The following MECOM variants were observed in gnomAD, a reference collection of about 807,000 sequenced individuals.
MECOM encodes the protein histone-lysine N-methyltransferase MECOM.
Under a neutral mutation model 116.3 loss-of-function variants are expected in MECOM, and 13 were observed. The ratio of observed to expected loss-of-function variants is 0.11; its 90% CI spans 0.07 to 0.18. The LOEUF is 0.18. MECOM is among the 10% of genes least tolerant of loss of function. The pLI, the probability that MECOM is intolerant of heterozygous loss-of-function variation, is 1.00. For missense variants in MECOM, 1,299 were observed against 1,509.0 expected (o/e 0.86, Z 2.31); for synonymous variants, 528 against 535.2 (o/e 0.99, Z 0.19).
intron 2 of MECOM, among the ~76,000 whole-genome samples, chr3:169,224,062 TG>T (rs1752436282): frequency 6.6e-6 from 1 of 152,210 alleles, no homozygotes. Context: ...GTTTTTTCTA[TG>T]CCCCACTGAC....
chr3:169,485,854 T>C (rs1247719574), intron 1 of MECOM, among the ~76,000 whole-genome samples: 1 of 127,558 alleles, frequency 7.8e-6, no homozygotes, highest in Middle Eastern at 3.6e-3. Flanking sequence ...TGTGTGTATA[T>C]ACCATATGTA....
intron 1 of MECOM, among the ~76,000 whole-genome samples, chr3:169,422,151 A>G (rs1330349058): frequency 1.3e-5 from 2 of 152,134 alleles, no homozygotes; most frequent in Non-Finnish European, 2.9e-5. Context: ...AATACTCTCA[A>G]TTATATGTTT....
At chr3:169,655,990 G>A (rs1019390080) in intron 1 of MECOM, among the ~76,000 whole-genome samples, 4 of 152,210 alleles carry the variant, frequency 2.6e-5, no homozygotes, top group Non-Finnish European at 4.4e-5. Context: ...ATAACTTGAA[G>A]AGGACCTGAC....
At chr3:169,284,569 G>GCA (rs1491289630) in intron 2 of MECOM, among the ~76,000 whole-genome samples, 1 of 150,262 alleles carries the variant, frequency 6.7e-6, no homozygotes, top group African/African-American at 2.5e-5. Context: ...AAGTATATGA[G>GCA]CGCACACACA....
At chr3:169,240,079 T>C (rs1428826255) in intron 2 of MECOM, among the ~76,000 whole-genome samples, 1 of 152,196 alleles carries the variant, frequency 6.6e-6, no homozygotes, top group Non-Finnish European at 1.5e-5. Flanking sequence ...CTTCAGCAAG[T>C]GTAGTTTAGG....
chr3:169,382,158 C>G (rs1396785998), intron 1 of MECOM, among the ~76,000 whole-genome samples: 1 of 152,118 alleles, frequency 6.6e-6, no homozygotes, highest in African/African-American at 2.4e-5. Flanking sequence ...GCCAGTGATG[C>G]CTCTGGGTAT....
chr3:169,252,176 G>T (rs1053304772), intron 2 of MECOM, among the ~76,000 whole-genome samples: 2 of 152,074 alleles, frequency 1.3e-5, no homozygotes, highest in Non-Finnish European at 2.9e-5. Flanking sequence ...AAAATGTTTT[G>T]TAAAATATCA....
chr3:169,088,772 GT>G (rs1207062381), intron 16 of MECOM, among the ~76,000 whole-genome samples: 2 of 152,100 alleles, frequency 1.3e-5, no homozygotes, highest in African/African-American at 4.8e-5. Flanking sequence ...GATGGGGCTT[GT>G]CATAAAATTT....
intron 2 of MECOM, among the ~76,000 whole-genome samples, chr3:169,203,636 A>T (rs945883625): frequency 6.6e-6 from 1 of 152,184 alleles, no homozygotes; most frequent in Non-Finnish European, 1.5e-5. Flanking sequence ...TTTGCCAGAC[A>T]TAGAGAATAA....
chr3:169,378,024 GA>G (rs1731334468), intron 2 of MECOM, among the ~76,000 whole-genome samples: 1 of 151,974 alleles, frequency 6.6e-6, no homozygotes, highest in Admixed American at 6.6e-5. Flanking sequence ...CCTTTGCAGG[GA>G]CATGGATGAA....
intron 1 of MECOM, chr3:169,473,086 C>T (rs1749812100): frequency 3.1e-6 from 1 of 320,286 alleles, no homozygotes; most frequent in African/African-American, 2.2e-5. Context: ...AGGAGGTCCA[C>T]CACAGTGGTT....
chr3:169,140,957 C>T (rs1192505519), intron 3 of MECOM, among the ~76,000 whole-genome samples: 6 of 152,064 alleles, frequency 3.9e-5, no homozygotes, highest in Non-Finnish European at 8.8e-5. Flanking sequence ...TGTCCTTCTA[C>T]TATCAAACTG....
At chr3:169,594,552 A>G (rs974103749) in intron 1 of MECOM, among the ~76,000 whole-genome samples, 1 of 151,804 alleles carries the variant, frequency 6.6e-6, no homozygotes, top group African/African-American at 2.4e-5. Context: ...CAGTTCGACA[A>G]CCACTACCCT....
At chr3:169,147,488 G>T (rs1740267119) in intron 2 of MECOM, 1 of 985,466 alleles carries the variant, frequency 1.0e-6, no homozygotes, top group South Asian at 4.7e-5. Context: ...AAGCCAGACG[G>T]GCTCCTCTTT....
At chr3:169,301,201 A>G (rs1716655854) in intron 2 of MECOM, among the ~76,000 whole-genome samples, 1 of 152,228 alleles carries the variant, frequency 6.6e-6, no homozygotes, top group African/African-American at 2.4e-5. Flanking sequence ...CAGCTGCACA[A>G]GGTGAGTGTC....
intron 1 of MECOM, among the ~76,000 whole-genome samples, chr3:169,534,108 C>A (rs1204954263): frequency 2.0e-5 from 3 of 152,186 alleles, no homozygotes; most frequent in Non-Finnish European, 4.4e-5. Flanking sequence ...TCCTCTCCTG[C>A]ACCCAGCAGA....
chr3:169,575,624 G>C (rs1327898390), intron 1 of MECOM, among the ~76,000 whole-genome samples: 1 of 152,162 alleles, frequency 6.6e-6, no homozygotes, highest in Non-Finnish European at 1.5e-5. Context: ...GACTTAGAAG[G>C]CTTTTGGCAC....
chr3:169,493,596 A>C (rs948451082), intron 1 of MECOM, among the ~76,000 whole-genome samples: 1 of 152,118 alleles, frequency 6.6e-6, no homozygotes, highest in Non-Finnish European at 1.5e-5. Flanking sequence ...TATATTTCAC[A>C]CATACACTGG....
At chr3:169,113,470 A>AGG (rs1344989551) in intron 8 of MECOM, among the ~76,000 whole-genome samples, 2 of 151,012 alleles carry the variant, frequency 1.3e-5, no homozygotes, top group Non-Finnish European at 3.0e-5. Flanking sequence ...AGAGAGAGAG[A>AGG]GAATATATGC....
Sources: allele counts gnomAD v4.1 joint callset (sites outside exome capture counted in the v4.1 genomes callset), GRCh38; gene constraint gnomAD v4.1.1; transcripts MANE v1.5; gene names NCBI Gene and HGNC (gene_info 2026-07-23, HGNC 2026-07-21).